FAM216A: variants seen among roughly 807,000 people sequenced by gnomAD.
FAM216A encodes family with sequence similarity 216 member A.
Under a neutral mutation model 37.6 loss-of-function variants are expected in FAM216A, and 26 were observed. The ratio of observed to expected loss-of-function variants is 0.69; its 90% CI spans 0.51 to 0.96. The LOEUF (loss-of-function observed/expected upper bound fraction) is 0.96, where lower values mean the gene tolerates loss of function less well. Ranked by LOEUF, FAM216A falls within the 40% of genes least tolerant of loss-of-function variation. The probability of loss-of-function intolerance (pLI) is 0.00; values close to 1 mark genes in which losing one functional copy is unlikely to be tolerated. For missense variants in FAM216A, 326 were observed against 339.3 expected (o/e 0.96, Z 0.31); for synonymous variants, 110 against 121.7 (o/e 0.90, Z 0.64).
chr12:110,469,415 T>TG (rs1161436936), intron 1 of FAM216A: 1 of 202,018 alleles, frequency 5.0e-6, no homozygotes, highest in African/African-American at 2.3e-5. Flanking sequence ...CCGGTTCAAC[T>TG]GGGGGCATCC....
chr12:110,479,768 T>C (rs1170998399), intron 2 of FAM216A, among the ~76,000 whole-genome samples: 1 of 151,166 alleles, frequency 6.6e-6, no homozygotes, highest in African/African-American at 2.4e-5. Flanking sequence ...AACCAGGGAG[T>C]TGGAGGTTGC....
chr12:110,471,624 T>G (rs1443723736), intron 1 of FAM216A, among the ~76,000 whole-genome samples: 1 of 152,118 alleles, frequency 6.6e-6, no homozygotes, highest in African/African-American at 2.4e-5. Context: ...TGATCTTACT[T>G]TACTTAAAAA....
intron 2 of FAM216A, among the ~76,000 whole-genome samples, chr12:110,482,793 T>C (rs1480668899): frequency 7.5e-6 from 1 of 133,576 alleles, no homozygotes; most frequent in Non-Finnish European, 1.6e-5. Context: ...AGACTCCATC[T>C]CAAAAAAAAA....
intron 2 of FAM216A, among the ~76,000 whole-genome samples, chr12:110,479,847 CA>C (rs201378870): frequency 6.7e-6 from 1 of 148,790 alleles, no homozygotes; most frequent in Non-Finnish European, 1.5e-5. Context: ...AAAAAAAACC[CA>C]AAAAAAACAA....
chr12:110,486,073 C>A (rs1028368468), intron 3 of FAM216A, among the ~76,000 whole-genome samples: 1 of 152,218 alleles, frequency 6.6e-6, no homozygotes, highest in African/African-American at 2.4e-5. Flanking sequence ...TTCGCTCTTT[C>A]CTTGTTCATC....
intron 2 of FAM216A, among the ~76,000 whole-genome samples, chr12:110,478,237 T>A (rs944789657): frequency 3.3e-5 from 5 of 152,242 alleles, no homozygotes; most frequent in African/African-American, 7.2e-5. Flanking sequence ...AGATGGCTCT[T>A]GTTCTCTGTC....
intron 2 of FAM216A, 74 bp downstream of exon 2, chr12:110,473,192 T>C: frequency 1.3e-6 from 1 of 776,734 alleles, no homozygotes; most frequent in South Asian, 1.9e-5. Context: ...CTGTAACTAC[T>C]TACACAATAG....
At chr12:110,474,508 G>A (rs2062704536) in intron 2 of FAM216A, among the ~76,000 whole-genome samples, 1 of 150,756 alleles carries the variant, frequency 6.6e-6, no homozygotes, top group African/African-American at 2.4e-5. Flanking sequence ...TGACCAACAT[G>A]GTGAAACCCC....
chr12:110,487,935 T>C lies in FAM216A; in HGVS notation c.695T>C (p.Met232Thr), dbSNP rs985048227. 6.3e-7 allele frequency: 1 copy of C among 1,590,122 alleles called. No homozygotes were observed. Among genetic ancestry groups the C allele is most frequent in the South Asian group, 1.1e-5 (1 of 89,844 alleles). The change falls in exon 6 of 7, where the codon ATG (methionine) becomes ACG (threonine). Residue 232 changes from methionine to threonine, a missense_variant. Coordinates refer to ENST00000377673, the MANE Select transcript of FAM216A (RefSeq NM_013300.3). ...TTTAGAAGACCAAGGAAACTGTTCA[T>C]GCAAACAGGTAAATGTGGAAATTTA... ...KIFRRPRKLF[M>T]QTVSSDDSES...
chr12:110,482,014 AC>A (rs1386203493), intron 2 of FAM216A, among the ~76,000 whole-genome samples: 1 of 152,218 alleles, frequency 6.6e-6, no homozygotes, highest in Non-Finnish European at 1.5e-5. Flanking sequence ...AAAGTTTAAT[AC>A]AAAACTGAAA....
At chr12:110,473,250 T>G in intron 2 of FAM216A, 132 bp downstream of exon 2, 1 of 398,274 alleles carries the variant, frequency 2.5e-6, no homozygotes, top group Non-Finnish European at 4.7e-6. Context: ...CTCACTCTGT[T>G]GCCTGGGCTG....
intron 1 of FAM216A, among the ~76,000 whole-genome samples, chr12:110,471,198 G>A (rs901096626): frequency 6.6e-6 from 1 of 151,938 alleles, no homozygotes; most frequent in Non-Finnish European, 1.5e-5. Context: ...AGGTTCAAGC[G>A]ATTCTCCTGC....
chr12:110,488,316 C>T (rs192043027), intron 6 of FAM216A, among the ~76,000 whole-genome samples: 1 of 148,710 alleles, frequency 6.7e-6, no homozygotes, highest in Admixed American at 6.9e-5. Flanking sequence ...GAGACTGAGG[C>T]AGGAGAATCG....
At position 110,486,363 on chromosome 12, in the gene FAM216A, C is replaced by A. The variant is rs1486600061; in HGVS notation, c.345C>A (p.Cys115Ter). ...CCACAGGCCAGAAGCGTTACCTGTG[C>A]AGCATTGCTAAAATCTATAATGCAA... Reference protein sequence around the residue: ...DLTTGQKRYLCSIAKIYNANY... With the variant: ...DLTTGQKRYL The change falls in exon 4 of 7, where the codon TGC (cysteine) becomes TGA (stop). Residue 115 changes from cysteine to a stop codon, truncating the protein, a stop_gained. Coordinates refer to ENST00000377673, the MANE Select transcript of FAM216A (RefSeq NM_013300.3). LOFTEE classifies it high-confidence loss of function. 9.9e-6 allele frequency: 16 copies of A among 1,613,754 alleles called. No homozygotes were observed. The highest frequency in any genetic ancestry group is 1.0e-5 in the Non-Finnish European group (12 of 1,179,846).
chr12:110,478,230 T>C (rs1396794991), intron 2 of FAM216A, among the ~76,000 whole-genome samples: 3 of 152,240 alleles, frequency 2.0e-5, no homozygotes, highest in Non-Finnish European at 4.4e-5. Flanking sequence ...CCTTTAAAGA[T>C]GGCTCTTGTT....
At chr12:110,469,464 C>T (rs1488901945) in intron 1 of FAM216A, among the ~76,000 whole-genome samples, 1 of 152,140 alleles carries the variant, frequency 6.6e-6, no homozygotes, top group Non-Finnish European at 1.5e-5. Context: ...GTGACATGAG[C>T]CACCTTCCTG....
In FAM216A at chr12:110,472,975, CAAAAAAA is replaced by C. The variant is rs879057348; in HGVS notation, c.144-80_144-74del. On this transcript the variant is annotated intron_variant, in intron 1 of 6. Transcript: ENST00000377673. The stretch of plus-strand genomic sequence containing the variant: ...TGGGTGACAAAGTGAGACCCTGTCT[CAAAAAAA>C]AAAAAAAAAAAAAAAAAAAAAATTG... 474 of 87,142 alleles carry C rather than the reference CAAAAAAA, an allele frequency of 5.4e-3. 1 individual carries two copies. Among genetic ancestry groups the C allele is most frequent in the Non-Finnish European group, 7.4e-3 (327 of 44,006 alleles). The allele number at this position is 87,142 out of a possible 1,614,324, so 5.4% of individuals were successfully genotyped here. A position where few individuals can be genotyped will look rare whatever the true frequency, so the allele number is the denominator to read the frequency against.
chr12:110,468,653 T>C (rs575703919), upstream of FAM216A: 530 of 1,537,114 alleles, frequency 3.4e-4, 4 homozygotes, highest in South Asian at 4.1e-3. Context: ...TTCCCTCCTG[T>C]GACGCACTGC....
chr12:110,480,741 A>T (rs1367540908), intron 2 of FAM216A, among the ~76,000 whole-genome samples: 3 of 152,030 alleles, frequency 2.0e-5, no homozygotes, highest in Non-Finnish European at 2.9e-5. Context: ...CGTACCTATA[A>T]AACACTAACT....
Sources: allele counts gnomAD v4.1 joint callset (sites outside exome capture counted in the v4.1 genomes callset), GRCh38; gene constraint gnomAD v4.1.1; transcripts MANE v1.5; gene names NCBI Gene and HGNC (gene_info 2026-07-23, HGNC 2026-07-21).